F13A1: variants seen among roughly 807,000 people sequenced by gnomAD.
F13A1 encodes FSF, A subunit.
In F13A1, 47 loss-of-function variants were observed where a neutral mutation model predicts 80.1. The ratio of observed to expected loss-of-function variants is 0.59; its 90% CI spans 0.46 to 0.75. The LOEUF (loss-of-function observed/expected upper bound fraction) is 0.75, where lower values mean the gene tolerates loss of function less well. Among genes scored for constraint, F13A1 ranks in the 30% least tolerant of loss-of-function variants. F13A1 has a pLI of 0.00. For missense variants in F13A1, 817 were observed against 930.4 expected, an observed-to-expected ratio of 0.88 and a Z score of 1.59; for synonymous variants, 349 against 344.9, an observed-to-expected ratio of 1.01 and a Z score of -0.13.
chr6:6,308,076 C>T (rs954355337), intron 2 of F13A1, among the ~76,000 whole-genome samples: 7 of 151,912 alleles, frequency 4.6e-5, no homozygotes, highest in Non-Finnish European at 1.0e-4. Context: ...TGCAGTGGCG[C>T]GATCTCGGCT....
rs147957390 is a variant in F13A1 at position 6,275,225 on chromosome 6, G to A, written c.320-8416C>T. On this transcript the variant is annotated intron_variant, in intron 3 of 14. Coordinates refer to ENST00000264870, the MANE Select transcript of F13A1 (RefSeq NM_000129.4). The stretch of plus-strand genomic sequence containing the variant: ...GGAAGGTAAGTGGAGGGGTGCCAGC[G>A]GAAGCAGGAAGTAGACGCAACAGGT... Among the ~76,000 whole-genome samples the A allele has an allele frequency of 5.1e-3, 771 of 152,108 alleles. 6 individuals carry two copies. The highest frequency in any genetic ancestry group is 0.017 in the African/African-American group (713 of 41,502).
Position 6,145,662 on chromosome 6 carries a change from T to C in F13A1, c.2156A>G (p.Tyr719Cys), listed in dbSNP as rs1760264113. 6.2e-7 allele frequency: 1 copy of C among 1,614,180 alleles called. No individual in the cohort carries two copies. Among genetic ancestry groups the C allele is most frequent in the African/African-American group, 1.3e-5 (1 of 75,062 alleles). ...SMSSDSLRHV[Y>C]GELDVQIQRR... ...TTGAATCTGCACGTCCAGCTCGCCA[T>C]ACACATGTCTCAGGGAGTCACTGCT... The change falls in exon 15 of 15, where the codon TAT becomes TGT. Residue 719 changes from tyrosine (Y) to cysteine (C), a missense_variant. Transcript: ENST00000264870.
At chr6:6,210,417 T>C (rs1761586119) in intron 8 of F13A1, among the ~76,000 whole-genome samples, 1 of 146,842 alleles carries the variant, frequency 6.8e-6, no homozygotes, top group Non-Finnish European at 1.5e-5. Flanking sequence ...CGATCTCGGC[T>C]CACTGAAAGC....
chr6:6,203,930 C>G (rs1761442397), intron 8 of F13A1, among the ~76,000 whole-genome samples: 1 of 152,002 alleles, frequency 6.6e-6, no homozygotes. Context: ...TATTAGGTTC[C>G]CTCCGAAACA....
intron 11 of F13A1, among the ~76,000 whole-genome samples, chr6:6,175,993 CAAAAGGCTTTGGCTTGGAA>C (rs1308630540): frequency 6.6e-6 from 1 of 152,224 alleles, no homozygotes; most frequent in African/African-American, 2.4e-5. Context: ...GAGCCTTGGA[CAAAAGGCTTTGGCTTGGAA>C]ACAGGGCTCA....
At position 6,220,567 on chromosome 6, in the gene F13A1, CTGTG is replaced by C. The variant is rs4053227; in HGVS notation, c.1112+1462_1112+1465del. ...TGTGTGTGTGTGTCTGTGTGTCTGT[CTGTG>C]TGTGTGTGTGTGTGTCTGTGTGTTT... On this transcript the variant is annotated intron_variant, in intron 8 of 14. Coordinates refer to ENST00000264870, the MANE Select transcript of F13A1 (RefSeq NM_000129.4). Among the ~76,000 whole-genome samples, 455 of 149,758 alleles carry C rather than the reference CTGTG, an allele frequency of 3.0e-3. 5 individuals are homozygous for C. Among genetic ancestry groups the C allele is most frequent in the African/African-American group, 0.011 (442 of 40,776 alleles).
chr6:6,318,093 AC>A (rs1758710675), intron 2 of F13A1, among the ~76,000 whole-genome samples: 1 of 152,202 alleles, frequency 6.6e-6, no homozygotes. Flanking sequence ...TCTGAAATTC[AC>A]AGCAATGGAT....
At position 6,269,023 on chromosome 6, in the gene F13A1, T is replaced by G. The variant is rs180942971; in HGVS notation, c.320-2214A>C. 2.5e-3 allele frequency among the ~76,000 whole-genome samples: 387 copies of G among 152,048 alleles called. 3 individuals are homozygous for G. The highest frequency in any genetic ancestry group is 0.016 in the Admixed American group (244 of 15,264). ...TTTTTTTTTTAAGTATAACTTCTAC[T>G]AGAAAGTAAAGGCAGAAGGAAGAAG... On this transcript the variant is annotated intron_variant, in intron 3 of 14. Coordinates refer to ENST00000264870, the MANE Select transcript of F13A1 (RefSeq NM_000129.4).
At chr6:6,306,047 T>C (rs901276569) in intron 2 of F13A1, among the ~76,000 whole-genome samples, 9 of 152,168 alleles carry the variant, frequency 5.9e-5, no homozygotes, top group Non-Finnish European at 1.3e-4. Context: ...AATCTAAAAT[T>C]CTCCTTTTAC....
intron 8 of F13A1, among the ~76,000 whole-genome samples, chr6:6,197,596 T>C (rs1335654023): frequency 1.3e-5 from 2 of 151,910 alleles, no homozygotes; most frequent in Non-Finnish European, 2.9e-5. Flanking sequence ...GAGAATCGCT[T>C]GAATCTGGGA....
chr6:6,288,178 A>G (rs1440613945), intron 3 of F13A1, among the ~76,000 whole-genome samples: 4 of 152,240 alleles, frequency 2.6e-5, no homozygotes, highest in African/African-American at 9.6e-5. Context: ...TGGTGAAGAC[A>G]TTAAAAATCT....
intron 4 of F13A1, among the ~76,000 whole-genome samples, chr6:6,255,834 TATG>T (rs1474116924): frequency 6.6e-6 from 1 of 152,112 alleles, no homozygotes; most frequent in Non-Finnish European, 1.5e-5. Context: ...TAAATTTATT[TATG>T]ATTTTAAAAA....
chr6:6,248,588 C>T (rs1449676071), intron 5 of F13A1, among the ~76,000 whole-genome samples, 169 bp from the exon 6 acceptor site: 2 of 152,186 alleles, frequency 1.3e-5, no homozygotes, highest in Admixed American at 6.5e-5. Context: ...AGGAATGAGA[C>T]ATCTTCTTTT....
At chr6:6,280,654 G>A (rs908689465) in intron 3 of F13A1, among the ~76,000 whole-genome samples, 5 of 152,194 alleles carry the variant, frequency 3.3e-5, no homozygotes, top group East Asian at 1.9e-4. Flanking sequence ...AAACCGTATT[G>A]AGGTTGGACC....
intron 4 of F13A1, among the ~76,000 whole-genome samples, chr6:6,260,883 G>A (rs559174733): frequency 9.8e-4 from 150 of 152,302 alleles, no homozygotes; most frequent in African/African-American, 3.5e-3. Flanking sequence ...GGTGGTAAGG[G>A]AGAGAGACTG....
intron 2 of F13A1, among the ~76,000 whole-genome samples, chr6:6,307,764 C>A (rs529806488): frequency 3.3e-5 from 5 of 152,226 alleles, no homozygotes; most frequent in African/African-American, 1.2e-4. Flanking sequence ...TTCTAGCTTC[C>A]ATTTGAACAG....
intron 4 of F13A1, among the ~76,000 whole-genome samples, chr6:6,254,283 G>T (rs1757675634): frequency 6.6e-6 from 1 of 152,048 alleles, no homozygotes; most frequent in Admixed American, 6.6e-5. Flanking sequence ...AATTCACTTT[G>T]CCCAATGCTA....
At chr6:6,288,266 C>G (rs927900340) in intron 3 of F13A1, among the ~76,000 whole-genome samples, 1 of 152,190 alleles carries the variant, frequency 6.6e-6, no homozygotes, top group Non-Finnish European at 1.5e-5. Context: ...ATCACTAAAA[C>G]TTATTCTTTC....
rs1186497580 is a variant in F13A1, at chr6:6,224,855, A to T, written c.804T>A (p.Asn268Lys). The change falls in exon 7 of 15, where the codon AAT (asparagine) becomes AAA (lysine). Residue 268 changes from asparagine to lysine, a missense_variant. Transcript: ENST00000264870. ...CGAGGACACCTTCGTCATCTTTGGC[A>T]TTCACCTAAATGAGTCCGTGAGAAG... ...KVSRVGSAMV[N>K]AKDDEGVLVG... 2 of 1,614,074 alleles carry T rather than the reference A, an allele frequency of 1.2e-6. No individual in the cohort carries two copies. Among genetic ancestry groups the T allele is most frequent in the South Asian group, 2.2e-5 (2 of 91,082 alleles).
Sources: gnomAD v4.1 joint callset for allele counts (sites outside exome capture counted in the v4.1 genomes callset) on GRCh38, gnomAD v4.1.1 for gene constraint, MANE v1.5 for transcripts, NCBI Gene and HGNC (gene_info 2026-07-23, HGNC 2026-07-21) for gene names.